The following MAP2K4 variants were observed in gnomAD, a reference collection of about 807,000 sequenced individuals.
MAP2K4 encodes dual specificity mitogen-activated protein kinase kinase 4.
A neutral mutation model predicts 48.5 loss-of-function variants in MAP2K4; 4 were observed. The ratio of observed to expected loss-of-function variants is 0.08; its 90% confidence interval spans 0.04 to 0.19. The LOEUF is 0.19. MAP2K4 is among the 10% of genes least tolerant of loss of function. The probability of loss-of-function intolerance (pLI) is 1.00; values close to 1 mark genes in which losing one functional copy is unlikely to be tolerated. For synonymous variants in MAP2K4, 166 were observed against 173.1 expected (o/e 0.96, Z 0.32); for missense variants, 258 against 493.3 (o/e 0.52, Z 4.52).
chr17:12,117,548 C>G (rs537403779), intron 7 of MAP2K4, among the ~76,000 whole-genome samples: 2 of 152,248 alleles, frequency 1.3e-5, no homozygotes, highest in East Asian at 3.9e-4. Context: ...ATGACAGGTT[C>G]CACACTATAC....
At chr17:12,122,786 C>G (rs1035994981) in intron 7 of MAP2K4, among the ~76,000 whole-genome samples, 1 of 152,098 alleles carries the variant, frequency 6.6e-6, no homozygotes, top group Admixed American at 6.6e-5. Context: ...TTTAGATGCC[C>G]TTTATGGAAA....
At chr17:12,047,597 T>G (rs903797608) in intron 1 of MAP2K4, among the ~76,000 whole-genome samples, 1 of 152,216 alleles carries the variant, frequency 6.6e-6, no homozygotes, top group African/African-American at 2.4e-5. Flanking sequence ...GGAATAAGAT[T>G]TTTATGGGAA....
chr17:12,120,326 G>A (rs1053824887), intron 7 of MAP2K4, among the ~76,000 whole-genome samples: 2 of 152,070 alleles, frequency 1.3e-5, no homozygotes, highest in Non-Finnish European at 2.9e-5. Flanking sequence ...CAGGCACAGT[G>A]GCACATGCCT....
chr17:12,021,936 C>T (rs1325288353), intron 1 of MAP2K4, among the ~76,000 whole-genome samples: 1 of 152,120 alleles, frequency 6.6e-6, no homozygotes, highest in African/African-American at 2.4e-5. Context: ...CAGGCCCGAG[C>T]CTGTTAGGGA....
chr17:12,081,949 T>C lies in MAP2K4; in HGVS notation c.393+419T>C, dbSNP rs769803758. 3.7e-6 allele frequency: 2 copies of C among 534,616 alleles called. No individual in the cohort carries two copies. The highest frequency in any genetic ancestry group is 2.8e-5 in the South Asian group (2 of 71,062). The allele number at this position is 534,616 out of a possible 1,614,324, so 33.1% of individuals were successfully genotyped here. ...AACAGCAGTCTTACTGAAGGTTTCC[T>C]GGAAACCACGCACATGCTGTTGCCA... On this transcript the variant is annotated intron_variant, in intron 3 of 10. Transcript: ENST00000353533. This position sits in a 1 kb window ranked among gnomAD's most constrained non-coding sequence, Gnocchi z 4.2.
At chr17:12,121,149 A>G (rs944956466) in intron 7 of MAP2K4, among the ~76,000 whole-genome samples, 2 of 152,190 alleles carry the variant, frequency 1.3e-5, no homozygotes, top group Non-Finnish European at 2.9e-5. Flanking sequence ...GTGTACACAA[A>G]CTTTGTTTCA....
intron 3 of MAP2K4, among the ~76,000 whole-genome samples, chr17:12,086,926 A>C (rs2151553548): frequency 6.6e-6 from 1 of 152,254 alleles, no homozygotes; most frequent in South Asian, 2.1e-4. Flanking sequence ...GGCTCACTGC[A>C]ACCTCTGCCT....
At position 12,024,448 on chromosome 17, in the gene MAP2K4, A is replaced by G. The variant is rs1598010843; in HGVS notation, c.115+3447A>G. Among the ~76,000 whole-genome samples, 7 of 152,316 alleles carry G rather than the reference A, an allele frequency of 4.6e-5. No homozygotes were observed. In the East Asian group the frequency reaches 1.3e-3, roughly 29 times the overall value. Reference sequence around the variant, plus strand: ...TCAAAAGATTTGAGTGTCTTCACTCATTCTGACTCATTTTTTTTTCATGTT... The same window carrying G: ...TCAAAAGATTTGAGTGTCTTCACTCGTTCTGACTCATTTTTTTTTCATGTT... On this transcript the variant is annotated intron_variant, in intron 1 of 10. Coordinates refer to ENST00000353533, the MANE Select transcript of MAP2K4 (RefSeq NM_003010.4).
intron 6 of MAP2K4, among the ~76,000 whole-genome samples, chr17:12,112,465 C>CA (rs11370279): frequency 0.54 from 47,039 of 86,600 alleles, 11,522 homozygotes; most frequent in East Asian, 0.64. Context: ...ACTCTTGTCT[C>CA]AAAAAAAAAA....
Position 12,143,761 on chromosome 17 carries a change from G to C in MAP2K4, c.*2501G>C, listed in dbSNP as rs1342063571. 1 of 229,968 alleles carries C rather than the reference G, an allele frequency of 4.3e-6. No individual in the cohort carries two copies. Among genetic ancestry groups the C allele is most frequent in the African/African-American group, 2.2e-5 (1 of 45,194 alleles). The allele number at this position is 229,968 out of a possible 1,614,324, so 14.2% of individuals were successfully genotyped here. On this transcript the variant is annotated 3_prime_UTR_variant, in exon 11 of 11. Coordinates refer to ENST00000353533, the MANE Select transcript of MAP2K4 (RefSeq NM_003010.4). ...TTTGTAATTTGATTTTCTGAAATCA[G>C]ACCCTGAGAGGGGAAAATCTTAAAG...
At chr17:12,095,424 A>C (rs1467883509) in intron 3 of MAP2K4, 151 bp from the exon 4 acceptor site, 1 of 805,244 alleles carries the variant, frequency 1.2e-6, no homozygotes, top group Admixed American at 2.1e-5. Context: ...TGTGAAGTAT[A>C]AGGAAAGATG....
chr17:12,130,546 A>T (rs546556548), intron 9 of MAP2K4, among the ~76,000 whole-genome samples: 3 of 152,144 alleles, frequency 2.0e-5, no homozygotes, highest in Admixed American at 2.0e-4. Context: ...TAACTCCTTG[A>T]TCTCTTTATT....
chr17:12,088,457 A>ATTAAATATATTAAAT (rs1971438874), intron 3 of MAP2K4, among the ~76,000 whole-genome samples: 1 of 140,328 alleles, frequency 7.1e-6, no homozygotes, highest in African/African-American at 2.6e-5. Flanking sequence ...TATATTAAAT[A>ATTAAATATATTAAAT]TTATACAATA....
intron 1 of MAP2K4, chr17:12,032,309 A>C (rs890648480): frequency 1.7e-5 from 23 of 1,345,676 alleles, no homozygotes; most frequent in Non-Finnish European, 2.2e-5. Flanking sequence ...GTAAGCTACA[A>C]ATTTTATGAT....
rs765477656 is a variant in MAP2K4, at chr17:12,081,556, G to A, written c.393+26G>A. On this transcript the variant is annotated intron_variant, in intron 3 of 10. Transcript: ENST00000353533. This position sits in a 1 kb window ranked among gnomAD's most constrained non-coding sequence, Gnocchi z 4.2. ...GTAGGTGATGCCATGATTATTTTTG[G>A]TACTTTAATCCATTAGGTGAAATTT... 1.2e-6 allele frequency: 2 copies of A among 1,610,172 alleles called. No homozygotes were observed. Among genetic ancestry groups the A allele is most frequent in the Non-Finnish European group, 8.5e-7 (1 of 1,177,448 alleles).
At chr17:12,107,359 C>G (rs1342538406) in intron 4 of MAP2K4, among the ~76,000 whole-genome samples, 1 of 122,600 alleles carries the variant, frequency 8.2e-6, no homozygotes, top group Non-Finnish European at 1.8e-5. Flanking sequence ...ATGGGATTTA[C>G]TTTATGTATT....
In MAP2K4 at chr17:12,052,775, A is replaced by AT. The variant is rs1445948017; in HGVS notation, c.116-2108dup. On this transcript the variant is annotated intron_variant, in intron 1 of 10. Coordinates refer to ENST00000353533, the MANE Select transcript of MAP2K4 (RefSeq NM_003010.4). ...TGTGATAGCAAAGTTCCTTAACTTAATTTTTTCTGTAAACGATTTGCCATA... is the reference window on the plus strand; with the variant it reads ...TGTGATAGCAAAGTTCCTTAACTTAATTTTTTTCTGTAAACGATTTGCCATA... Among the ~76,000 whole-genome samples, 5 of 152,238 alleles carry AT rather than the reference A, an allele frequency of 3.3e-5. No homozygotes were observed. The South Asian group carries it at 8.3e-4, about 25-fold the overall frequency.
At chr17:12,109,684 T>C (rs1457819884) in intron 5 of MAP2K4, among the ~76,000 whole-genome samples, 1 of 152,160 alleles carries the variant, frequency 6.6e-6, no homozygotes, top group Non-Finnish European at 1.5e-5. Flanking sequence ...TAGCATCCAA[T>C]GAGGGTGGAT....
chr17:12,040,654 C>T (rs546517176), intron 1 of MAP2K4, among the ~76,000 whole-genome samples: 1 of 152,290 alleles, frequency 6.6e-6, no homozygotes, highest in South Asian at 2.1e-4. Context: ...TTAGAATGCT[C>T]AGATCCTTCA....
Sources: gnomAD v4.1 joint callset for allele counts (sites outside exome capture counted in the v4.1 genomes callset) on GRCh38, gnomAD v4.1.1 for gene constraint, Gnocchi (gnomAD v3.1) non-coding constraint, MANE v1.5 for transcripts, NCBI Gene and HGNC (gene_info 2026-07-23, HGNC 2026-07-21) for gene names.